The following GRIN2A variants were observed in gnomAD, a reference collection of about 807,000 sequenced individuals.
GRIN2A encodes the protein glutamate ionotropic receptor NMDA type subunit 2A, also known as glutamate receptor ionotropic, NMDA 2A.
In GRIN2A, 22 loss-of-function variants were observed where a neutral mutation model predicts 113.4. The ratio of observed to expected loss-of-function variants is 0.19; its 90% confidence interval spans 0.14 to 0.28. GRIN2A has a LOEUF of 0.28. GRIN2A is among the 10% of genes least tolerant of loss of function. The pLI is 1.00. For synonymous variants in GRIN2A, 827 were observed against 738.4 expected, an observed-to-expected ratio of 1.12 and a Z score of -1.94; for missense variants, 1,502 against 1,887.0, an observed-to-expected ratio of 0.80 and a Z score of 3.78.
At position 9,822,401 on chromosome 16, in the gene GRIN2A, G is replaced by A. The variant is rs756666799; in HGVS notation, c.2031C>T (p.Ser677=). 1 of 1,612,084 alleles carries A rather than the reference G, an allele frequency of 6.2e-7. No homozygotes were observed. The highest frequency in any genetic ancestry group is 1.7e-5 in the Admixed American group (1 of 59,990). The change falls in exon 10 of 13, where the codon TCC becomes TCT. Residue 677 remains serine, a synonymous_variant. Coordinates refer to ENST00000330684, the MANE Select transcript of GRIN2A (RefSeq NM_001134407.3). ...GCACTGTCCCAAATCGAAAAGGTGG[G>A]GAATAGTCATGAGGTCTCTGAAACT... ...DKKFQRPHDY[S]PPFRFGTVPN... is the part of the protein sequence containing the mutation.
intron 2 of GRIN2A, among the ~76,000 whole-genome samples, chr16:10,098,788 G>A (rs1478525596): frequency 2.0e-5 from 3 of 152,042 alleles, no homozygotes; most frequent in Non-Finnish European, 1.5e-5. Flanking sequence ...ATGACACAAT[G>A]GACGCTGGAA....
chr16:9,990,671 T>C (rs1469371687), intron 2 of GRIN2A, among the ~76,000 whole-genome samples: 1 of 152,038 alleles, frequency 6.6e-6, no homozygotes, highest in Non-Finnish European at 1.5e-5. Context: ...ATTGGCATTT[T>C]TTTTTTTCAC....
chr16:10,114,962 T>C (rs141702698), intron 2 of GRIN2A, among the ~76,000 whole-genome samples: 212 of 152,378 alleles, frequency 1.4e-3, no homozygotes, highest in African/African-American at 4.7e-3. Flanking sequence ...GGAAGAACTG[T>C]CAACACTGGA....
In GRIN2A at chr16:9,764,863, A is replaced by T. The variant is rs775144380; in HGVS notation, c.2681T>A (p.Met894Lys). Residue 894 changes from methionine (M) to lysine (K), a missense_variant, in exon 13 of 13, where the codon ATG becomes AAG. Met to Lys is a moderately conservative substitution (Grantham distance 95, BLOSUM62 -1). Coordinates refer to ENST00000330684, the MANE Select transcript of GRIN2A (RefSeq NM_001134407.3). ...TTTGGCTGACCGGAGGAGTTTTAAC[A>T]TGTTGCTCTGGGATCCCGTCAGATT... is the stretch of plus-strand genomic sequence containing the variant. Reference protein sequence around the residue: ...DFNLTGSQSNMLKLLRSAKNI... With the variant: ...DFNLTGSQSNKLKLLRSAKNI... The T allele has an allele frequency of 5.6e-6, 9 of 1,614,046 alleles. No individual in the cohort carries two copies. In the East Asian group the frequency reaches 2.0e-4, roughly 36 times the overall value.
intron 5 of GRIN2A, among the ~76,000 whole-genome samples, chr16:9,848,373 A>G (rs2042813730): frequency 6.6e-6 from 1 of 150,466 alleles, no homozygotes; most frequent in Non-Finnish European, 1.5e-5. Flanking sequence ...CCACCACCAT[A>G]GCTGGCTAAT....
At position 9,761,988 on chromosome 16, in the gene GRIN2A, G is replaced by A; in HGVS notation, c.*1161C>T. ...GAAGGCTTTTGATTTGAGGAGTTTG[G>A]GGTGGAAGTGAGTGTCCAACAGAAT... On this transcript the variant is annotated 3_prime_UTR_variant, in exon 13 of 13. Coordinates refer to ENST00000330684, the MANE Select transcript of GRIN2A (RefSeq NM_001134407.3). 1 of 199,554 alleles carries A rather than the reference G, an allele frequency of 5.0e-6. No individual in the cohort carries two copies. 12.4% of individuals were successfully genotyped at this position (199,554 alleles called of 1,614,324 possible).
intron 2 of GRIN2A, among the ~76,000 whole-genome samples, chr16:10,133,020 A>G (rs1172856783): frequency 3.3e-5 from 5 of 152,178 alleles, no homozygotes; most frequent in Non-Finnish European, 5.9e-5. Flanking sequence ...CCATGGTCAC[A>G]TCTCCTTCTC....
chr16:9,875,671 G>A (rs1381977497), intron 4 of GRIN2A, among the ~76,000 whole-genome samples: 1 of 152,234 alleles, frequency 6.6e-6, no homozygotes, highest in East Asian at 1.9e-4. Flanking sequence ...TGTGGGTGGG[G>A]TAGGGGAGAA....
At chr16:9,888,728 A>G (rs1029929) in intron 4 of GRIN2A, among the ~76,000 whole-genome samples, 5,019 of 152,014 alleles carry the variant, frequency 0.033, 296 homozygotes, top group African/African-American at 0.11. Context: ...GCGTATGTGC[A>G]TATAATATAT....
At chr16:10,076,384 C>T (rs182576578) in intron 2 of GRIN2A, among the ~76,000 whole-genome samples, 284 of 152,272 alleles carry the variant, frequency 1.9e-3, no homozygotes, top group Admixed American at 1.5e-3. Context: ...AGCCACAATG[C>T]CAAGTTTGTA....
intron 2 of GRIN2A, among the ~76,000 whole-genome samples, chr16:9,948,564 A>G (rs953799463): frequency 6.6e-6 from 1 of 152,198 alleles, no homozygotes; most frequent in Non-Finnish European, 1.5e-5. Flanking sequence ...ATGACATAAG[A>G]CAGTGTCTGA....
chr16:10,060,605 T>C (rs1383459722), intron 2 of GRIN2A, among the ~76,000 whole-genome samples: 1 of 152,238 alleles, frequency 6.6e-6, no homozygotes, highest in Non-Finnish European at 1.5e-5. Context: ...ATCTTCAATG[T>C]ATCATTTGTT....
intron 2 of GRIN2A, among the ~76,000 whole-genome samples, chr16:9,944,387 A>G (rs189000113): frequency 2.0e-5 from 3 of 152,244 alleles, no homozygotes; most frequent in East Asian, 3.9e-4. Context: ...AATTGGTCAC[A>G]CTGGAAAACA....
intron 2 of GRIN2A, among the ~76,000 whole-genome samples, chr16:10,125,667 C>CT (rs1555484615): frequency 5.3e-5 from 8 of 151,572 alleles, no homozygotes; most frequent in Non-Finnish European, 1.0e-4. Context: ...CGAGTCTCCC[C>CT]TCCCTGGCTG....
intron 2 of GRIN2A, among the ~76,000 whole-genome samples, chr16:10,150,038 G>C (rs142965172): frequency 8.3e-4 from 126 of 152,326 alleles, no homozygotes; most frequent in African/African-American, 2.8e-3. Flanking sequence ...GCGAGGTGCA[G>C]AAACAGCTGG....
intron 2 of GRIN2A, among the ~76,000 whole-genome samples, chr16:10,010,741 A>G (rs888940953): frequency 6.6e-6 from 1 of 152,090 alleles, no homozygotes; most frequent in African/African-American, 2.4e-5. Flanking sequence ...CTCCACCCCC[A>G]GGTACGTGCT....
chr16:10,150,544 C>T (rs2049546891), intron 2 of GRIN2A, among the ~76,000 whole-genome samples: 1 of 152,120 alleles, frequency 6.6e-6, no homozygotes, highest in Non-Finnish European at 1.5e-5. Context: ...AACCTGTTTC[C>T]TCCCACTTCC....
rs551962343 is a variant in GRIN2A at position 10,104,581 on chromosome 16, G to GT, written c.414+75416dup. On this transcript the variant is annotated intron_variant, in intron 2 of 12. Transcript: ENST00000330684. The stretch of plus-strand genomic sequence containing the variant: ...GCTTGCACGAGCACAATTTTACGTG[G>GT]TTATGGGAAGGAATGGTGTTCTCTA... Among the ~76,000 whole-genome samples the GT allele has an allele frequency of 1.9e-3, 282 of 152,292 alleles. 1 individual carries two copies. Among genetic ancestry groups the GT allele is most frequent in the Non-Finnish European group, 3.0e-3 (201 of 68,028 alleles).
Position 9,763,892 on chromosome 16 carries a change from G to C in GRIN2A, c.3652C>G (p.Leu1218Val). The C allele has an allele frequency of 3.1e-6, 5 of 1,614,160 alleles. No homozygotes were observed. The highest frequency in any genetic ancestry group is 4.2e-6 in the Non-Finnish European group (5 of 1,180,028). The part of the protein sequence containing the change: ...RQNSTHCRSC[L>V]SNMPTYSGHF... ...CCTGAATAGGTGGGCATGTTGGAAAGGCAGCTTCTGCAGTGCGTGGAGTTC... is the reference window on the plus strand; with the variant it reads ...CCTGAATAGGTGGGCATGTTGGAAACGCAGCTTCTGCAGTGCGTGGAGTTC... The change falls in exon 13 of 13, where the codon CTT (leucine) becomes GTT (valine). Residue 1218 changes from leucine (L) to valine (V), a missense_variant. This residue lies in a region of GRIN2A where 832 missense variants were observed against 789.7 expected (regional missense o/e 1.05). Coordinates refer to ENST00000330684, the MANE Select transcript of GRIN2A (RefSeq NM_001134407.3).
Sources: allele counts gnomAD v4.1 joint callset (sites outside exome capture counted in the v4.1 genomes callset), GRCh38; gene constraint gnomAD v4.1.1; regional missense constraint gnomAD v4.1.1; transcripts MANE v1.5; gene names NCBI Gene and HGNC (gene_info 2026-07-23, HGNC 2026-07-21).